The following HINFP variants were observed in gnomAD, a reference collection of about 807,000 sequenced individuals.
The protein encoded by HINFP is histone H4 transcription factor.
HINFP carries 20 observed loss-of-function variants against 50.1 expected under a neutral mutation model. That is an observed-to-expected ratio of 0.40 (90% confidence interval 0.28 to 0.58). The LOEUF is 0.58. HINFP is among the 20% of genes least tolerant of loss of function. The pLI is 0.45. For synonymous variants in HINFP, 247 were observed against 243.7 expected, an observed-to-expected ratio of 1.01 and a Z score of -0.13; for missense variants, 505 against 664.1, an observed-to-expected ratio of 0.76 and a Z score of 2.63.
chr11:119,130,615 C>A, intron 2 of HINFP, 110 bp from the exon 3 acceptor site: 2 of 897,674 alleles, frequency 2.2e-6, no homozygotes, highest in Non-Finnish European at 3.5e-6. Context: ...TGGTTAGAGT[C>A]CAGCCTCCTC....
intron 2 of HINFP, among the ~76,000 whole-genome samples, chr11:119,129,492 T>TG (rs1484045570): frequency 2.8e-5 from 4 of 143,948 alleles, no homozygotes; most frequent in African/African-American, 1.0e-4. Flanking sequence ...TTTCTTTTCT[T>TG]TTTTTTTTTT....
intron 9 of HINFP, chr11:119,133,561 A>G (rs944044995): frequency 5.0e-5 from 11 of 222,108 alleles, no homozygotes; most frequent in Non-Finnish European, 8.1e-5. Context: ...CCTGGGTGAC[A>G]GAGCGAGACT....
At chr11:119,132,345 C>A in intron 5 of HINFP, 151 bp from the exon 6 acceptor site, 1 of 702,010 alleles carries the variant, frequency 1.4e-6, no homozygotes, top group Non-Finnish European at 2.4e-6. Flanking sequence ...AAGTCCCATG[C>A]TCTTTCCATG....
intron 1 of HINFP, chr11:119,124,876 G>T (rs1336325817): frequency 6.6e-6 from 1 of 151,936 alleles, no homozygotes; most frequent in African/African-American, 2.4e-5. Context: ...GGAGGCTGAG[G>T]CAGGAGAATC....
rs1243899611 is a variant in HINFP at position 119,134,616 on chromosome 11, G to T, written c.*118G>T. ...GCCTTTAGGAGTGGTGCCGAGAGCA[G>T]TGTGGTCCACTCTGGCCTGGGTTTG... On this transcript the variant is annotated 3_prime_UTR_variant, in exon 10 of 10. Transcript: ENST00000350777. The surrounding 1 kb of genome is among the most constrained non-coding windows in gnomAD (Gnocchi z 4.3). 5.4e-6 allele frequency: 4 copies of T among 742,628 alleles called. No homozygotes were observed. The African/African-American group carries it at 7.1e-5, about 13-fold the overall frequency. The allele number at this position is 742,628 out of a possible 1,614,324, so 46.0% of individuals were successfully genotyped here.
Position 119,132,714 on chromosome 11 carries a change from C to T in HINFP, c.808C>T (p.Leu270Phe). 1 of 1,614,010 alleles carries T rather than the reference C, an allele frequency of 6.2e-7. No individual in the cohort carries two copies. The highest frequency in any genetic ancestry group is 2.2e-5 in the East Asian group (1 of 44,886). ...CDMTCPLPSS[L>F]RNHMRFRHSE... ...CATGACCTGCCCGCTGCCTTCCTCC[C>T]TCCGCAACCACATGCGCTTTCGTCA... The change falls in exon 7 of 10, where the codon CTC (leucine) becomes TTC (phenylalanine). Residue 270 changes from leucine to phenylalanine, a missense_variant. Leu to Phe is a conservative substitution (Grantham distance 22). Coordinates refer to ENST00000350777, the MANE Select transcript of HINFP (RefSeq NM_198971.3).
In HINFP at chr11:119,135,237, G is replaced by A. The variant is rs1948003703; in HGVS notation, c.*739G>A. On this transcript the variant is annotated 3_prime_UTR_variant, in exon 10 of 10. Transcript: ENST00000350777. ...TTGGTGAAACTTCGCTATTCTCAGA[G>A]CGTATGCCATTTCCATGGAGGTCCC... 6.6e-6 allele frequency: 1 copy of A among 152,296 alleles called. No homozygotes were observed. Among genetic ancestry groups the A allele is most frequent in the African/African-American group, 2.4e-5 (1 of 41,452 alleles). The allele number at this position is 152,296 out of a possible 1,614,324, so 9.4% of individuals were successfully genotyped here. A position where few individuals can be genotyped will look rare whatever the true frequency, so the allele number is the denominator to read the frequency against.
In HINFP at chr11:119,126,949, C is replaced by T. The variant is rs752046856; in HGVS notation, c.5C>T (p.Pro2Leu). 18 of 1,612,306 alleles carry T rather than the reference C, an allele frequency of 1.1e-5. No homozygotes were observed. Among genetic ancestry groups the T allele is most frequent in the East Asian group, 2.2e-5 (1 of 44,808 alleles). Residue 2 changes from proline to leucine, a missense_variant, in exon 2 of 10, where the codon CCG becomes CTG. By Grantham distance (98) the Pro-to-Leu change is moderately conservative (BLOSUM62 -3). Coordinates refer to ENST00000350777, the MANE Select transcript of HINFP (RefSeq NM_198971.3). The stretch of plus-strand genomic sequence containing the variant: ...TCTTCCTCTAGGGTGAAGGCCATGC[C>T]GCCTCCTGGGAAAGTTCCCCGAAAG... The part of the protein sequence containing the change: M[P>L]PPGKVPRKEN...
At chr11:119,133,316 C>A in intron 9 of HINFP, 97 bp downstream of exon 9, 2 of 1,496,316 alleles carry the variant, frequency 1.3e-6, no homozygotes, top group Non-Finnish European at 1.8e-6. Flanking sequence ...CGCGGTGGCT[C>A]ACGCCTGTAA....
chr11:119,123,337 C>T (rs1947193787), intron 1 of HINFP, among the ~76,000 whole-genome samples: 1 of 151,938 alleles, frequency 6.6e-6, no homozygotes, highest in East Asian at 1.9e-4. Context: ...AGAGAGGACT[C>T]ACCACAGGGC....
Position 119,126,957 on chromosome 11 carries a change from G to A in HINFP, c.13G>A (p.Gly5Arg), listed in dbSNP as rs756324267. The A allele has an allele frequency of 6.2e-7, 1 of 1,613,196 alleles. No homozygotes were observed. The highest frequency in any genetic ancestry group is 1.3e-5 in the African/African-American group (1 of 75,004). ...TAGGGTGAAGGCCATGCCGCCTCCT[G>A]GGAAAGTTCCCCGAAAGGAGAATCT... is the stretch of plus-strand genomic sequence containing the variant. The part of the protein sequence containing the change: MPPP[G>R]KVPRKENLWL... The change falls in exon 2 of 10, where the codon GGG (glycine) becomes AGG (arginine). Residue 5 changes from glycine (G) to arginine (R), a missense_variant. By Grantham distance (125) the Gly-to-Arg change is moderately radical. Coordinates refer to ENST00000350777, the MANE Select transcript of HINFP (RefSeq NM_198971.3).
intron 1 of HINFP, chr11:119,125,033 GTGTTTTTTTTTT>G (rs1565788203): frequency 3.8e-5 from 5 of 131,364 alleles, no homozygotes; most frequent in African/African-American, 1.4e-4. Context: ...GTGTGTGTGT[GTGTTTTTTTTTT>G]TTTTTTTTTT....
chr11:119,135,184 A>C lies in HINFP; in HGVS notation c.*686A>C, dbSNP rs1948001915. ...AGGTGGTTTGTTTTTTGTTTGCTTA[A>C]CTGTCCTGTTGTCTTCTCCTCCTCC... On this transcript the variant is annotated 3_prime_UTR_variant, in exon 10 of 10. Transcript: ENST00000350777. 2 of 152,164 alleles carry C rather than the reference A, an allele frequency of 1.3e-5. No homozygotes were observed. The highest frequency in any genetic ancestry group is 4.2e-4 in the South Asian group (2 of 4,818). 9.4% of individuals were successfully genotyped at this position (152,164 alleles called of 1,614,324 possible). A position where few individuals can be genotyped will look rare whatever the true frequency, so the allele number is the denominator to read the frequency against.
intron 1 of HINFP, chr11:119,121,978 G>C (rs1485616918): frequency 6.6e-6 from 1 of 152,298 alleles, no homozygotes; most frequent in Non-Finnish European, 1.5e-5. Flanking sequence ...TCGCCTGACC[G>C]CGGAGGTGTC....
intron 1 of HINFP, among the ~76,000 whole-genome samples, chr11:119,123,019 T>C (rs747209172): frequency 1.2e-4 from 18 of 149,278 alleles, no homozygotes; most frequent in Non-Finnish European, 2.5e-4. Context: ...GCTATAATAC[T>C]TCGGAGGCTA....
rs369348169 is a variant in HINFP, at chr11:119,134,339, C to T, written c.1395C>T (p.His465=). 1.1e-5 allele frequency: 17 copies of T among 1,614,160 alleles called. No homozygotes were observed. The highest frequency in any genetic ancestry group is 5.3e-5 in the African/African-American group (4 of 75,054). ...AGGACAACCCCAGTTCTGTCATCCA[C>T]GTGGTGAATCAGACCAATGCCCAAG... ...ASQDNPSSVI[H]VVNQTNAQGQ... is the part of the protein sequence containing the mutation. Residue 465 remains histidine, a synonymous_variant, in exon 10 of 10, where the codon CAC becomes CAT. Coordinates refer to ENST00000350777, the MANE Select transcript of HINFP (RefSeq NM_198971.3). This position sits in a 1 kb window ranked among gnomAD's most constrained non-coding sequence, Gnocchi z 4.3.
chr11:119,132,191 G>A (rs1221265902), intron 5 of HINFP: 1 of 628,506 alleles, frequency 1.6e-6, no homozygotes, highest in Non-Finnish European at 2.8e-6. Flanking sequence ...AGTTACTTAG[G>A]GAATCCTCAC....
intron 1 of HINFP, chr11:119,122,150 T>C (rs1947101502): frequency 6.6e-6 from 1 of 152,212 alleles, no homozygotes; most frequent in African/African-American, 2.4e-5. Context: ...ATATGCCCTC[T>C]TAAGTGTTAA....
intron 1 of HINFP, among the ~76,000 whole-genome samples, chr11:119,122,196 G>A (rs1947105964): frequency 6.6e-6 from 1 of 152,130 alleles, no homozygotes; most frequent in Non-Finnish European, 1.5e-5. Flanking sequence ...TATCTCCTCA[G>A]AGTAGAAACA....
Sources: allele counts gnomAD v4.1 joint callset (sites outside exome capture counted in the v4.1 genomes callset), GRCh38; gene constraint gnomAD v4.1.1; non-coding constraint Gnocchi (gnomAD v3.1); transcripts MANE v1.5; gene names NCBI Gene and HGNC (gene_info 2026-07-23, HGNC 2026-07-21).